The following GTSF1 variants were observed in gnomAD, a reference collection of about 807,000 sequenced individuals.
The protein encoded by GTSF1 is gametocyte-specific factor 1.
In GTSF1, 11 loss-of-function variants were observed where a neutral mutation model predicts 28.9. That is an observed-to-expected ratio of 0.38 (90% CI 0.24 to 0.63). The LOEUF is 0.63. Ranked by LOEUF, GTSF1 falls within the 30% of genes least tolerant of loss-of-function variation. The pLI is 0.56. For synonymous variants in GTSF1, 69 were observed against 65.6 expected (o/e 1.05, Z -0.25); for missense variants, 146 against 201.0 (o/e 0.73, Z 1.66).
chr12:54,468,246 C>T (rs1025776470), intron 2 of GTSF1, among the ~76,000 whole-genome samples: 3 of 152,026 alleles, frequency 2.0e-5, no homozygotes, highest in African/African-American at 7.2e-5. Context: ...TCTTGTGCCT[C>T]CACCCCGCAA....
chr12:54,465,276 T>C, intron 2 of GTSF1, 109 bp from the exon 3 acceptor site: 2 of 602,658 alleles, frequency 3.3e-6, no homozygotes, highest in Non-Finnish European at 5.9e-6. Context: ...AATAGAACAA[T>C]ATAGTCTAAA....
chr12:54,471,892 C>A, intron 1 of GTSF1: 1 of 153,730 alleles, frequency 6.5e-6, no homozygotes, highest in Non-Finnish European at 1.4e-5. Flanking sequence ...AACAAACAAA[C>A]AAACAAACAA....
chr12:54,473,024 T>C (rs978617086), intron 1 of GTSF1, among the ~76,000 whole-genome samples: 7 of 152,156 alleles, frequency 4.6e-5, no homozygotes, highest in African/African-American at 1.4e-4. Context: ...AAAGGACGAA[T>C]TACAGTACAC....
intron 5 of GTSF1, among the ~76,000 whole-genome samples, chr12:54,462,418 T>C (rs1476588050): frequency 6.6e-6 from 1 of 152,160 alleles, no homozygotes; most frequent in Non-Finnish European, 1.5e-5. Context: ...ACACAATTTA[T>C]GGAAAAAAAC....
chr12:54,473,263 AAACAACAAC>A (rs368778057), intron 1 of GTSF1, among the ~76,000 whole-genome samples: 3 of 152,076 alleles, frequency 2.0e-5, no homozygotes, highest in Non-Finnish European at 4.4e-5. Context: ...TTCTTCCTTT[AAACAACAAC>A]AACAACAACA....
In GTSF1 at chr12:54,465,712, T is replaced by C. The variant is rs111949196; in HGVS notation, c.17-545A>G. Among the ~76,000 whole-genome samples the C allele has an allele frequency of 2.5e-3, 381 of 152,204 alleles. 2 individuals are homozygous for C. The highest frequency in any genetic ancestry group is 8.5e-3 in the African/African-American group (354 of 41,540). On this transcript the variant is annotated intron_variant, in intron 2 of 8. Transcript: ENST00000305879. ...CTAGATGAAGATACTAGTAATAGCATCTTCATCTATTACTAGTATCCTGTG... is the reference window on the plus strand; with the variant it reads ...CTAGATGAAGATACTAGTAATAGCACCTTCATCTATTACTAGTATCCTGTG...
intron 8 of GTSF1, 30 bp from the exon 9 acceptor site, chr12:54,456,183 T>TA (rs2120709768): frequency 1.3e-5 from 2 of 152,510 alleles, no homozygotes; most frequent in South Asian, 4.1e-4. Context: ...AAAAAGTTCT[T>TA]AGTTTTTTTC....
intron 3 of GTSF1, among the ~76,000 whole-genome samples, chr12:54,463,520 T>C (rs1045811546): frequency 1.3e-5 from 2 of 152,198 alleles, no homozygotes; most frequent in Non-Finnish European, 2.9e-5. Context: ...TTTGTTATGA[T>C]TGTAGAGACT....
chr12:54,470,006 C>A (rs1592324410), intron 2 of GTSF1, among the ~76,000 whole-genome samples: 2 of 152,088 alleles, frequency 1.3e-5, no homozygotes, highest in African/African-American at 4.8e-5. Flanking sequence ...CCCGGCCGGT[C>A]TCTACTAAAA....
intron 5 of GTSF1, 128 bp downstream of exon 5, chr12:54,462,514 C>A: frequency 2.7e-6 from 2 of 750,472 alleles, no homozygotes; most frequent in Non-Finnish European, 2.2e-6. Flanking sequence ...CGTTTTGGGG[C>A]CCAATAAAAA....
chr12:54,466,570 T>A (rs183076001), intron 2 of GTSF1, among the ~76,000 whole-genome samples: 1 of 152,346 alleles, frequency 6.6e-6, no homozygotes, highest in African/African-American at 2.4e-5. Context: ...AATTTACAGA[T>A]GAAATTCTTG....
intron 1 of GTSF1, 38 bp from the exon 2 acceptor site, chr12:54,471,315 TA>T: frequency 6.9e-7 from 1 of 1,448,694 alleles, no homozygotes; most frequent in Non-Finnish European, 9.5e-7. Flanking sequence ...AAATCAGAAA[TA>T]AAATGTACCA....
intron 2 of GTSF1, among the ~76,000 whole-genome samples, chr12:54,468,122 G>A (rs891883220): frequency 2.0e-5 from 3 of 151,910 alleles, no homozygotes; most frequent in Admixed American, 1.3e-4. Flanking sequence ...CTTTTTGCAT[G>A]TATGAGTATT....
At chr12:54,461,397 G>A (rs1421425374) in intron 6 of GTSF1, among the ~76,000 whole-genome samples, 1 of 152,064 alleles carries the variant, frequency 6.6e-6, no homozygotes. Flanking sequence ...AAATCATCTA[G>A]TTTTCAATTA....
At chr12:54,460,780 G>GT (rs1956409137) in intron 6 of GTSF1, among the ~76,000 whole-genome samples, 1 of 152,112 alleles carries the variant, frequency 6.6e-6, no homozygotes, top group Non-Finnish European at 1.5e-5. Flanking sequence ...CTCAATAAAC[G>GT]TAAGAGATAA....
chr12:54,472,746 T>A (rs1279204127), intron 1 of GTSF1: 1 of 152,176 alleles, frequency 6.6e-6, no homozygotes, highest in African/African-American at 2.4e-5. Context: ...ATACAAGTGA[T>A]CAGCTAGAAC....
At chr12:54,461,700 G>A (rs1176253132) in intron 6 of GTSF1, among the ~76,000 whole-genome samples, 1 of 151,990 alleles carries the variant, frequency 6.6e-6, no homozygotes, top group African/African-American at 2.4e-5. Flanking sequence ...TTCCTAATAG[G>A]TACTCTGGAT....
At position 54,462,722 on chromosome 12, in the gene GTSF1, T is replaced by C. The variant is rs116313213; in HGVS notation, c.248A>G (p.Asn83Ser). ...CTCTTGTCTAAGGCTCCTGGTTTGG[T>C]TGACTGCAAGACAATAAAGATTGGA... ...DRSCIEQDVV[N>S]QTRSLRQETL... Residue 83 changes from asparagine to serine, a missense_variant, in exon 5 of 9, where the codon AAC becomes AGC. Transcript: ENST00000305879. 13 of 1,613,578 alleles carry C rather than the reference T, an allele frequency of 8.1e-6. No homozygotes were observed. The highest frequency in any genetic ancestry group is 6.7e-5 in the African/African-American group (5 of 75,042).
chr12:54,460,528 C>T lies in GTSF1; in HGVS notation c.393-57G>A, dbSNP rs780044581. The T allele has an allele frequency of 3.8e-5, 42 of 1,116,968 alleles. 1 individual carries two copies. The highest frequency in any genetic ancestry group is 4.3e-5 in the Non-Finnish European group (32 of 743,048). 69.2% of individuals were successfully genotyped at this position (1,116,968 alleles called of 1,614,324 possible). Reference sequence around the variant, plus strand: ...GATCAGTATCATTCAAGCAGGCACACGTAAGATAATCAAAATGTGTTTTTT... The same window carrying T: ...GATCAGTATCATTCAAGCAGGCACATGTAAGATAATCAAAATGTGTTTTTT... On this transcript the variant is annotated intron_variant, in intron 6 of 8. Transcript: ENST00000305879.
Sources: allele counts gnomAD v4.1 joint callset (sites outside exome capture counted in the v4.1 genomes callset), GRCh38; gene constraint gnomAD v4.1.1; transcripts MANE v1.5; gene names NCBI Gene and HGNC (gene_info 2026-07-23, HGNC 2026-07-21).